Variants in ZNF385D observed in about 807,000 individuals in gnomAD.
ZNF385D encodes zinc finger protein 659.
ZNF385D carries 15 observed loss-of-function variants against 35.8 expected under a neutral mutation model. That is an observed-to-expected ratio of 0.42 (90% confidence interval 0.28 to 0.64). The LOEUF (loss-of-function observed/expected upper bound fraction) is 0.64, where lower values mean the gene tolerates loss of function less well. ZNF385D is among the 30% of genes least tolerant of loss of function. The pLI is 0.23. For synonymous variants in ZNF385D, 212 were observed against 186.8 expected, an observed-to-expected ratio of 1.13 and a Z score of -1.10; for missense variants, 474 against 494.6, an observed-to-expected ratio of 0.96 and a Z score of 0.39.
At chr3:21,459,610 C>T (rs1290230331) in intron 4 of ZNF385D, among the ~76,000 whole-genome samples, 1 of 152,166 alleles carries the variant, frequency 6.6e-6, no homozygotes, top group East Asian at 1.9e-4. Context: ...ACATGCTCTA[C>T]CCTCAATCAG....
chr3:22,179,064 G>A (rs1164157260), intron 2 of ZNF385D, among the ~76,000 whole-genome samples: 1 of 152,128 alleles, frequency 6.6e-6, no homozygotes, highest in Non-Finnish European at 1.5e-5. Flanking sequence ...ACTTGGCGAT[G>A]TGGGCTCTTT....
At chr3:22,056,980 C>A (rs1699434451) in intron 3 of ZNF385D, among the ~76,000 whole-genome samples, 1 of 152,224 alleles carries the variant, frequency 6.6e-6, no homozygotes, top group South Asian at 2.1e-4. Context: ...ATGGCTAAGT[C>A]TGAAGGGAAG....
intron 2 of ZNF385D, among the ~76,000 whole-genome samples, chr3:22,267,375 A>G (rs1042607249): frequency 1.4e-4 from 22 of 151,840 alleles, no homozygotes; most frequent in Non-Finnish European, 2.9e-5. Flanking sequence ...CCATTGTTTT[A>G]CCAAAGAACA....
At chr3:21,492,183 C>G (rs915166172) in intron 4 of ZNF385D, among the ~76,000 whole-genome samples, 2 of 152,028 alleles carry the variant, frequency 1.3e-5, no homozygotes, top group African/African-American at 4.8e-5. Context: ...CAGAAGCTTA[C>G]ATTGAGTAGG....
intron 1 of ZNF385D, among the ~76,000 whole-genome samples, chr3:21,746,312 T>TA (rs1462691806): frequency 1.3e-5 from 2 of 152,210 alleles, no homozygotes; most frequent in Non-Finnish European, 2.9e-5. Flanking sequence ...GAGGTCCTTT[T>TA]AAAAAACTAG....
At chr3:21,717,268 C>G (rs1014539473) in intron 1 of ZNF385D, among the ~76,000 whole-genome samples, 3 of 152,186 alleles carry the variant, frequency 2.0e-5, no homozygotes, top group Admixed American at 2.0e-4. Context: ...TAACTAAGTT[C>G]TCCTCTTTAA....
At chr3:21,599,105 G>A (rs573011121) in intron 2 of ZNF385D, among the ~76,000 whole-genome samples, 1 of 152,156 alleles carries the variant, frequency 6.6e-6, no homozygotes, top group East Asian at 1.9e-4. Context: ...TCTACAGGAG[G>A]TTACCAAAAT....
At chr3:21,462,936 C>T (rs1255584189) in intron 4 of ZNF385D, among the ~76,000 whole-genome samples, 5 of 152,050 alleles carry the variant, frequency 3.3e-5, no homozygotes, top group South Asian at 2.1e-4. Context: ...GAGCTGAGAT[C>T]GCACCACTGC....
intron 3 of ZNF385D, among the ~76,000 whole-genome samples, chr3:22,082,665 A>G (rs1234704740): frequency 2.6e-5 from 4 of 152,218 alleles, no homozygotes; most frequent in Admixed American, 2.6e-4. Flanking sequence ...CTGCAGACTT[A>G]AACATCCCTG....
chr3:22,244,343 G>T, intron 2 of ZNF385D, among the ~76,000 whole-genome samples: 1 of 73,590 alleles, frequency 1.4e-5, no homozygotes, highest in Non-Finnish European at 2.6e-5. Context: ...TTGAAGCAAA[G>T]TGATACCAGA....
At chr3:22,364,491 T>C (rs1035716648) in intron 2 of ZNF385D, among the ~76,000 whole-genome samples, 1 of 152,000 alleles carries the variant, frequency 6.6e-6, no homozygotes, top group Non-Finnish European at 1.5e-5. Context: ...AACGAGCACA[T>C]GAAAAGAGAC....
intron 1 of ZNF385D, among the ~76,000 whole-genome samples, chr3:21,687,395 ATTTT>A (rs932086850): frequency 1.3e-5 from 2 of 152,034 alleles, no homozygotes; most frequent in South Asian, 2.1e-4. Flanking sequence ...ATAACTCATA[ATTTT>A]TTTTATTAAT....
At chr3:22,114,059 C>T (rs1428469566) in intron 3 of ZNF385D, among the ~76,000 whole-genome samples, 1 of 151,928 alleles carries the variant, frequency 6.6e-6, no homozygotes, top group Non-Finnish European at 1.5e-5. Flanking sequence ...TAACATTTAA[C>T]AACGTTTAAG....
rs887827738 is a variant in ZNF385D, at chr3:21,414,129, A to T, written c.*7085T>A. 1.3e-4 allele frequency: 20 copies of T among 152,214 alleles called. No individual in the cohort carries two copies. Among genetic ancestry groups the T allele is most frequent in the Middle Eastern group, 3.4e-3 (1 of 294 alleles). The allele number at this position is 152,214 out of a possible 1,614,324, so 9.4% of individuals were successfully genotyped here. A position where few individuals can be genotyped will look rare whatever the true frequency, so the allele number is the denominator to read the frequency against. On this transcript the variant is annotated 3_prime_UTR_variant, in exon 8 of 8. Transcript: ENST00000281523. ...AATTATTGACTAAGTTTCATGTGCT[A>T]GGATATAACTTATTTTTCTCACCTA... is the stretch of plus-strand genomic sequence containing the variant.
At chr3:21,551,118 T>G (rs1328644317) in intron 3 of ZNF385D, among the ~76,000 whole-genome samples, 1 of 152,212 alleles carries the variant, frequency 6.6e-6, no homozygotes, top group Non-Finnish European at 1.5e-5. Context: ...CTGAATGGCT[T>G]TCCATAGCAG....
intron 3 of ZNF385D, among the ~76,000 whole-genome samples, chr3:22,138,413 A>G (rs1357475849): frequency 2.0e-5 from 3 of 152,188 alleles, no homozygotes; most frequent in Non-Finnish European, 4.4e-5. Context: ...CTGACTTCAA[A>G]CTATACTACA....
chr3:21,555,619 G>A (rs554611540), intron 3 of ZNF385D, among the ~76,000 whole-genome samples: 2 of 152,278 alleles, frequency 1.3e-5, no homozygotes, highest in East Asian at 1.9e-4. Context: ...ATCACTGATG[G>A]GCATTTGGGT....
intron 2 of ZNF385D, among the ~76,000 whole-genome samples, chr3:21,586,951 A>T (rs919839940): frequency 6.6e-6 from 1 of 152,224 alleles, no homozygotes; most frequent in Non-Finnish European, 1.5e-5. Context: ...CAAATGAGTG[A>T]TAATATTTGA....
chr3:22,075,376 T>G (rs944464827), intron 3 of ZNF385D, among the ~76,000 whole-genome samples: 2 of 151,910 alleles, frequency 1.3e-5, no homozygotes, highest in Non-Finnish European at 2.9e-5. Flanking sequence ...TCAATTTCAC[T>G]CTAATCTGAT....
Sources: allele counts gnomAD v4.1 joint callset (sites outside exome capture counted in the v4.1 genomes callset), GRCh38; gene constraint gnomAD v4.1.1; transcripts MANE v1.5; gene names NCBI Gene and HGNC (gene_info 2026-07-23, HGNC 2026-07-21).